CCAR1: variants seen among roughly 807,000 people sequenced by gnomAD.
The protein encoded by CCAR1 is cell division cycle and apoptosis regulator protein 1.
A neutral mutation model predicts 163.8 loss-of-function variants in CCAR1; 78 were observed. The ratio of observed to expected loss-of-function variants is 0.48; its 90% CI spans 0.40 to 0.57. CCAR1 has a LOEUF of 0.57. Ranked by LOEUF, CCAR1 falls within the 20% of genes least tolerant of loss-of-function variation. The pLI is 0.00. For missense variants in CCAR1, 1,019 were observed against 1,365.2 expected (o/e 0.75, Z 4.00); for synonymous variants, 443 against 460.7 (o/e 0.96, Z 0.49).
chr10:68,781,293 G>A (rs1401158257), intron 19 of CCAR1, among the ~76,000 whole-genome samples: 4 of 148,742 alleles, frequency 2.7e-5, no homozygotes, highest in East Asian at 2.0e-4. Context: ...CTGTAATCCC[G>A]GCACTTTGGG....
In CCAR1 at chr10:68,756,267, C is replaced by G; in HGVS notation, c.1626-6C>G. 6.2e-7 allele frequency: 1 copy of G among 1,610,700 alleles called. No homozygotes were observed. The highest frequency in any genetic ancestry group is 8.5e-7 in the Non-Finnish European group (1 of 1,177,534). ...TTTTTCCAACATGCTTCTTCCCTTG[C>G]AACAGGTACCGTTTTGCAGAGATTC... On this transcript the variant is annotated splice_region_variant and splice_polypyrimidine_tract_variant and intron_variant, in intron 13 of 24. Transcript: ENST00000265872. This position sits in a 1 kb window ranked among gnomAD's most constrained non-coding sequence, Gnocchi z 5.1.
At chr10:68,779,420 G>A (rs975444831) in intron 19 of CCAR1, among the ~76,000 whole-genome samples, 23 of 151,472 alleles carry the variant, frequency 1.5e-4, no homozygotes, top group South Asian at 6.3e-4. Context: ...CACCATGCCC[G>A]GTTAATTTTT....
intron 19 of CCAR1, among the ~76,000 whole-genome samples, chr10:68,778,978 GT>G (rs1167851602): frequency 1.3e-5 from 2 of 152,188 alleles, no homozygotes; most frequent in African/African-American, 4.8e-5. Context: ...AGCCTCCTGA[GT>G]AGCTGGGATC....
In CCAR1 at chr10:68,786,674, A is replaced by G. The variant is rs377739082; in HGVS notation, c.2862A>G (p.Leu954=). 1 of 1,594,500 alleles carries G rather than the reference A, an allele frequency of 6.3e-7. No individual in the cohort carries two copies. Among genetic ancestry groups the G allele is most frequent in the Non-Finnish European group, 8.5e-7 (1 of 1,174,558 alleles). The part of the protein sequence containing the change: ...DLEEILYTLG[L]HLSRAQVKKL... The stretch of plus-strand genomic sequence containing the variant: ...AAGAAATACTTTATACTCTTGGACT[A>G]CATCTTTCTCGGGCTCAGGTAATCT... The change falls in exon 21 of 25, where the codon CTA becomes CTG. Residue 954 remains leucine, a synonymous_variant. Coordinates refer to ENST00000265872, the MANE Select transcript of CCAR1 (RefSeq NM_018237.4).
At chr10:68,736,518 A>G (rs2133321718) in intron 2 of CCAR1, among the ~76,000 whole-genome samples, 1 of 152,126 alleles carries the variant, frequency 6.6e-6, no homozygotes, top group East Asian at 1.9e-4. Context: ...TGTAGCCACC[A>G]TTTTACTCTG....
chr10:68,782,616 T>A (rs191866277), intron 19 of CCAR1, among the ~76,000 whole-genome samples: 1 of 152,306 alleles, frequency 6.6e-6, no homozygotes, highest in Non-Finnish European at 1.5e-5. Context: ...TTGACTTTCT[T>A]GTTAGGGCTA....
At chr10:68,771,482 A>T (rs1039018543) in intron 18 of CCAR1, 37 bp downstream of exon 18, 1 of 1,516,260 alleles carries the variant, frequency 6.6e-7, no homozygotes, top group African/African-American at 1.4e-5. Context: ...GCTTTCAGTT[A>T]CTCTTCTAGG....
At chr10:68,762,183 G>T (rs2056480346) in intron 16 of CCAR1, among the ~76,000 whole-genome samples, 1 of 151,918 alleles carries the variant, frequency 6.6e-6, no homozygotes, top group Admixed American at 6.6e-5. Context: ...CAAAAAATTA[G>T]CTGGGCGTGG....
chr10:68,740,769 C>T (rs1288179002), intron 5 of CCAR1, 108 bp downstream of exon 5: 1 of 822,094 alleles, frequency 1.2e-6, no homozygotes, highest in East Asian at 2.5e-5. Flanking sequence ...GTTAGATTCA[C>T]CTAATAATTT....
intron 2 of CCAR1, among the ~76,000 whole-genome samples, chr10:68,728,522 A>G (rs144164072): frequency 6.6e-6 from 1 of 152,344 alleles, no homozygotes; most frequent in Non-Finnish European, 1.5e-5. Flanking sequence ...TTGTAGTAAG[A>G]AGAGGCTATT....
intron 17 of CCAR1, among the ~76,000 whole-genome samples, chr10:68,766,861 T>A (rs2056542145): frequency 6.6e-6 from 1 of 152,164 alleles, no homozygotes; most frequent in Admixed American, 6.5e-5. Context: ...TTTGAGTTTC[T>A]GTTGTTTTTT....
intron 4 of CCAR1, among the ~76,000 whole-genome samples, chr10:68,738,504 C>T (rs553827294): frequency 2.0e-5 from 3 of 152,274 alleles, no homozygotes; most frequent in East Asian, 1.9e-4. Context: ...CTGTCTGGAA[C>T]GTTTGGGCCA....
intron 2 of CCAR1, among the ~76,000 whole-genome samples, chr10:68,730,153 C>G (rs2056016028): frequency 6.6e-6 from 1 of 151,838 alleles, no homozygotes; most frequent in Non-Finnish European, 1.5e-5. Context: ...AACTCCTAAC[C>G]CCCTGATCCA....
chr10:68,750,673 G>A (rs890143340), intron 10 of CCAR1, among the ~76,000 whole-genome samples: 1 of 152,116 alleles, frequency 6.6e-6, no homozygotes, highest in South Asian at 2.1e-4. Context: ...GGTTATGGTC[G>A]CAACTTAGGT....
chr10:68,750,255 AC>A (rs2056314905), intron 10 of CCAR1, among the ~76,000 whole-genome samples: 1 of 132,924 alleles, frequency 7.5e-6, no homozygotes, highest in Admixed American at 8.5e-5. Context: ...TTACTCTTTC[AC>A]CCAGGTTGGA....
At chr10:68,736,262 A>G (rs528155523) in intron 2 of CCAR1, among the ~76,000 whole-genome samples, 10 of 152,332 alleles carry the variant, frequency 6.6e-5, no homozygotes, top group African/African-American at 9.6e-5. Context: ...GATAATATAT[A>G]TAAAGTCTTG....
chr10:68,737,020 C>T lies in CCAR1; in HGVS notation c.218C>T (p.Ala73Val). 6.2e-7 allele frequency: 1 copy of T among 1,613,666 alleles called. No homozygotes were observed. Among genetic ancestry groups the T allele is most frequent in the Non-Finnish European group, 8.5e-7 (1 of 1,179,692 alleles). ...CAAACTGCTGCATTGCAGCAACAAG[C>T]CGCAGCTGCAGCAGCTGCATTACAA... ...LTQTAALQQQ[A>V]AAAAAALQQQ... The change falls in exon 3 of 25, where the codon GCC (alanine) becomes GTC (valine). Residue 73 changes from alanine (A) to valine (V), a missense_variant. Ala to Val is a moderately conservative substitution (Grantham distance 64). This residue lies in a region of CCAR1 where 644 missense variants were observed against 904.4 expected (regional missense o/e 0.71). Coordinates refer to ENST00000265872, the MANE Select transcript of CCAR1 (RefSeq NM_018237.4).
chr10:68,758,362 T>A (rs1178323502), intron 15 of CCAR1, among the ~76,000 whole-genome samples: 1 of 151,796 alleles, frequency 6.6e-6, no homozygotes, highest in Admixed American at 6.6e-5. Flanking sequence ...GCCTAAAATA[T>A]ATTTAAAATT....
At chr10:68,759,560 C>T (rs74885134) in intron 15 of CCAR1, 3 of 147,790 alleles carry the variant, frequency 2.0e-5, no homozygotes, top group African/African-American at 7.6e-5. Context: ...AGACTCTCTA[C>T]CAAAAAAAAA....
Sources: gnomAD v4.1 joint callset for allele counts (sites outside exome capture counted in the v4.1 genomes callset) on GRCh38, gnomAD v4.1.1 for gene constraint, gnomAD v4.1.1 regional missense constraint, Gnocchi (gnomAD v3.1) non-coding constraint, MANE v1.5 for transcripts, NCBI Gene and HGNC (gene_info 2026-07-23, HGNC 2026-07-21) for gene names.